Variants in VAV3 observed in about 807,000 individuals in gnomAD.
VAV3 encodes the protein guanine nucleotide exchange factor VAV3.
In VAV3, 94 loss-of-function variants were observed where a neutral mutation model predicts 131.2. The observed-to-expected ratio is 0.72, with a 90% CI of 0.61 to 0.85. The LOEUF (loss-of-function observed/expected upper bound fraction) is 0.85, where lower values mean the gene tolerates loss of function less well. Among genes scored for constraint, VAV3 ranks in the 40% least tolerant of loss-of-function variants. The pLI, the probability that VAV3 is intolerant of heterozygous loss-of-function variation, is 0.00. For synonymous variants in VAV3, 349 were observed against 342.0 expected (o/e 1.02, Z -0.22); for missense variants, 939 against 1,002.7 (o/e 0.94, Z 0.86).
intron 25 of VAV3, among the ~76,000 whole-genome samples, chr1:107,575,073 C>T (rs555538990): frequency 1.9e-4 from 28 of 151,314 alleles, no homozygotes; most frequent in Middle Eastern, 3.4e-3. Flanking sequence ...TCTCCCTGGC[C>T]CTGCTGGCCC....
chr1:107,858,678 C>G (rs1335059544), intron 2 of VAV3, among the ~76,000 whole-genome samples: 2 of 152,142 alleles, frequency 1.3e-5, no homozygotes, highest in Non-Finnish European at 2.9e-5. Flanking sequence ...CGGTTTCACC[C>G]CCAAACCATT....
chr1:107,826,356 G>C (rs537927069), intron 2 of VAV3, among the ~76,000 whole-genome samples: 21 of 152,238 alleles, frequency 1.4e-4, no homozygotes, highest in African/African-American at 4.8e-4. Flanking sequence ...ACATTTCTAA[G>C]GTTGAATATT....
chr1:107,662,003 T>C (rs937656004), intron 19 of VAV3, among the ~76,000 whole-genome samples: 9 of 152,248 alleles, frequency 5.9e-5, no homozygotes, highest in Admixed American at 3.9e-4. Context: ...ACTATGTGCC[T>C]ATAAGCAAAA....
chr1:107,869,747 C>A (rs1181920030), intron 2 of VAV3, among the ~76,000 whole-genome samples: 2 of 152,278 alleles, frequency 1.3e-5, no homozygotes, highest in East Asian at 3.9e-4. Context: ...GCACCAATCA[C>A]CCGAGCAGTA....
At chr1:107,883,784 G>A (rs1175503286) in intron 1 of VAV3, among the ~76,000 whole-genome samples, 2 of 152,096 alleles carry the variant, frequency 1.3e-5, no homozygotes, top group Admixed American at 6.6e-5. Context: ...GCTTTCAACA[G>A]CTCTTGTCCT....
At chr1:107,814,211 T>C (rs946202938) in intron 2 of VAV3, among the ~76,000 whole-genome samples, 1 of 152,168 alleles carries the variant, frequency 6.6e-6, no homozygotes, top group African/African-American at 2.4e-5. Flanking sequence ...AGTTCTATTT[T>C]TGGGGAAATC....
At chr1:107,883,111 T>C (rs1038622255) in intron 1 of VAV3, among the ~76,000 whole-genome samples, 3 of 152,262 alleles carry the variant, frequency 2.0e-5, no homozygotes, top group Non-Finnish European at 4.4e-5. Context: ...AAAAATACAG[T>C]AATTTACCAT....
At chr1:107,749,437 C>T in intron 14 of VAV3, 25 bp downstream of exon 14, 1 of 1,577,800 alleles carries the variant, frequency 6.3e-7, no homozygotes, top group Non-Finnish European at 8.6e-7. Context: ...AAGTAAATTA[C>T]AGTTATTAGT....
At chr1:107,899,468 C>T (rs887850232) in intron 1 of VAV3, among the ~76,000 whole-genome samples, 23 of 152,118 alleles carry the variant, frequency 1.5e-4, no homozygotes, top group African/African-American at 5.3e-4. Context: ...CAATTTGATA[C>T]GTGCTATAAT....
chr1:107,751,706 T>C (rs77585246), intron 12 of VAV3, among the ~76,000 whole-genome samples: 4,526 of 152,124 alleles, frequency 0.03, 109 homozygotes, highest in African/African-American at 0.072. Context: ...GTCTATAAAG[T>C]CCAGGCTGGC....
intron 2 of VAV3, among the ~76,000 whole-genome samples, chr1:107,845,053 G>A (rs927063089): frequency 6.6e-6 from 1 of 152,188 alleles, no homozygotes; most frequent in African/African-American, 2.4e-5. Context: ...TCTTACTGGA[G>A]AGCTCCGGCT....
chr1:107,640,310 A>G (rs1212202441), intron 20 of VAV3, among the ~76,000 whole-genome samples: 5 of 152,200 alleles, frequency 3.3e-5, no homozygotes, highest in East Asian at 1.9e-4. Flanking sequence ...ATCATTACAC[A>G]TAACAACGTG....
At chr1:107,891,950 C>T (rs186986976) in intron 1 of VAV3, among the ~76,000 whole-genome samples, 4 of 151,820 alleles carry the variant, frequency 2.6e-5, no homozygotes, top group Admixed American at 2.6e-4. Flanking sequence ...CTTTAAACTC[C>T]AGACTATAAA....
chr1:107,916,394 C>G (rs1024595050), intron 1 of VAV3, among the ~76,000 whole-genome samples: 3 of 152,124 alleles, frequency 2.0e-5, no homozygotes, highest in African/African-American at 7.2e-5. Context: ...ACGTACAAAT[C>G]TGGTTTCAAA....
chr1:107,793,532 G>C (rs1666398819), intron 2 of VAV3, among the ~76,000 whole-genome samples: 1 of 152,180 alleles, frequency 6.6e-6, no homozygotes, highest in Non-Finnish European at 1.5e-5. Flanking sequence ...ATGGCACACA[G>C]ATGCTCAGTA....
chr1:107,761,358 A>C (rs1207099599), intron 9 of VAV3, among the ~76,000 whole-genome samples: 1 of 148,790 alleles, frequency 6.7e-6, no homozygotes, highest in East Asian at 2.0e-4. Flanking sequence ...GTGTCACTGC[A>C]CTCCAGCCTG....
intron 25 of VAV3, among the ~76,000 whole-genome samples, chr1:107,574,963 CTG>C (rs753834313): frequency 0.15 from 11,802 of 81,040 alleles, 626 homozygotes; most frequent in African/African-American, 0.27. Context: ...TTGAGTTTCT[CTG>C]TGTGTGTGTG....
chr1:107,809,814 C>A (rs891152609), intron 2 of VAV3, among the ~76,000 whole-genome samples: 1 of 152,128 alleles, frequency 6.6e-6, no homozygotes, highest in African/African-American at 2.4e-5. Context: ...CATTATGACA[C>A]TGAGAATGAC....
chr1:107,833,297 TC>T (rs1455271552), intron 2 of VAV3, among the ~76,000 whole-genome samples: 1 of 152,130 alleles, frequency 6.6e-6, no homozygotes, highest in Non-Finnish European at 1.5e-5. Context: ...GCCACAACAT[TC>T]CCTTAAGCCA....
Sources: gnomAD v4.1 joint callset for allele counts (sites outside exome capture counted in the v4.1 genomes callset) on GRCh38, gnomAD v4.1.1 for gene constraint, MANE v1.5 for transcripts, NCBI Gene and HGNC (gene_info 2026-07-23, HGNC 2026-07-21) for gene names.